PARD3B: variants seen among roughly 807,000 people sequenced by gnomAD.
PARD3B encodes the protein par-3 family cell polarity regulator beta.
Under a neutral mutation model 130.2 loss-of-function variants are expected in PARD3B, and 103 were observed. That is an observed-to-expected ratio of 0.79 (90% CI 0.67 to 0.93). PARD3B has a LOEUF of 0.93. Among genes scored for constraint, PARD3B ranks in the 40% least tolerant of loss-of-function variants. The pLI is 0.00. For synonymous variants in PARD3B, 583 were observed against 553.2 expected, an observed-to-expected ratio of 1.05 and a Z score of -0.76; for missense variants, 1,609 against 1,499.2, an observed-to-expected ratio of 1.07 and a Z score of -1.21.
At chr2:204,798,186 C>T (rs1487981012) in intron 2 of PARD3B, among the ~76,000 whole-genome samples, 1 of 152,178 alleles carries the variant, frequency 6.6e-6, no homozygotes, top group Non-Finnish European at 1.5e-5. Flanking sequence ...CACCACTACT[C>T]CCTCATCCCC....
At chr2:205,167,190 G>T (rs1290816569) in intron 11 of PARD3B, among the ~76,000 whole-genome samples, 2 of 152,094 alleles carry the variant, frequency 1.3e-5, no homozygotes, top group Non-Finnish European at 2.9e-5. Flanking sequence ...GGCAGAGGAA[G>T]TACCCAGGCA....
intron 18 of PARD3B, among the ~76,000 whole-genome samples, chr2:205,375,673 C>T (rs1228654164): frequency 3.3e-5 from 5 of 151,958 alleles, no homozygotes; most frequent in Non-Finnish European, 7.4e-5. Flanking sequence ...AGAGAGAGAA[C>T]GCACATGTTT....
chr2:205,172,985 A>G (rs951265865), intron 12 of PARD3B, among the ~76,000 whole-genome samples: 2 of 152,094 alleles, frequency 1.3e-5, no homozygotes, highest in Non-Finnish European at 2.9e-5. Flanking sequence ...TATTCCTAAC[A>G]TTATACATAT....
chr2:204,745,741 A>G (rs564310311), intron 2 of PARD3B, among the ~76,000 whole-genome samples: 15 of 152,046 alleles, frequency 9.9e-5, no homozygotes, highest in African/African-American at 2.7e-4. Flanking sequence ...GGTTGAGCCA[A>G]TCTAATAATC....
At chr2:205,576,004 G>A (rs1256820977) in intron 22 of PARD3B, among the ~76,000 whole-genome samples, 2 of 152,192 alleles carry the variant, frequency 1.3e-5, no homozygotes, top group African/African-American at 4.8e-5. Context: ...ATGAGTGAGA[G>A]TTCCTGTTGC....
At chr2:204,940,469 C>T (rs1688811956) in intron 2 of PARD3B, among the ~76,000 whole-genome samples, 1 of 145,128 alleles carries the variant, frequency 6.9e-6, no homozygotes, top group South Asian at 2.1e-4. Flanking sequence ...AATGAAGTAA[C>T]TTGAGAGTTT....
At chr2:205,024,535 T>A (rs1298864710) in intron 3 of PARD3B, among the ~76,000 whole-genome samples, 1 of 152,152 alleles carries the variant, frequency 6.6e-6, no homozygotes, top group East Asian at 1.9e-4. Context: ...ATGATAGGAT[T>A]TACTAGTTGT....
At chr2:205,448,915 C>A (rs916648028) in intron 20 of PARD3B, among the ~76,000 whole-genome samples, 6 of 152,040 alleles carry the variant, frequency 3.9e-5, no homozygotes, top group African/African-American at 1.4e-4. Context: ...GCCTGTAATC[C>A]CAGCACTTTG....
chr2:205,552,843 C>G (rs1421661683), intron 21 of PARD3B, among the ~76,000 whole-genome samples: 1 of 152,038 alleles, frequency 6.6e-6, no homozygotes, highest in Non-Finnish European at 1.5e-5. Flanking sequence ...TCTAAATAAA[C>G]TATAGACTTT....
At position 204,547,461 on chromosome 2, in the gene PARD3B, C is replaced by T. The variant is rs577325702; in HGVS notation, c.120+1342C>T. Among the ~76,000 whole-genome samples, 38 of 152,198 alleles carry T rather than the reference C, an allele frequency of 2.5e-4. 1 individual carries two copies. The highest frequency in any genetic ancestry group is 8.5e-4 in the Admixed American group (13 of 15,276). On this transcript the variant is annotated intron_variant, in intron 1 of 22. Transcript: ENST00000406610. The stretch of plus-strand genomic sequence containing the variant: ...GTTTATAAAGCTGTGTGAAAATCAA[C>T]TGCAATGTTATGTGTGTGTGTGCAC...
Position 204,545,885 on chromosome 2 carries a change from G to T in PARD3B, c.-115G>T. On this transcript the variant is annotated 5_prime_UTR_variant, in exon 1 of 23. Coordinates refer to ENST00000406610, the MANE Select transcript of PARD3B (RefSeq NM_001302769.2). The stretch of plus-strand genomic sequence containing the variant: ...TCCGGGCCTCAGGGTGTTCCGGGGA[G>T]CGGCGCCCCGGGTCTCTGGGCCCAC... The T allele has an allele frequency of 8.3e-7, 1 of 1,208,554 alleles. No individual in the cohort carries two copies. The highest frequency in any genetic ancestry group is 1.1e-6 in the Non-Finnish European group (1 of 915,236). The allele number at this position is 1,208,554 out of a possible 1,614,324, so 74.9% of individuals were successfully genotyped here. A position where few individuals can be genotyped will look rare whatever the true frequency, so the allele number is the denominator to read the frequency against.
At chr2:205,519,340 G>T (rs921352384) in intron 21 of PARD3B, among the ~76,000 whole-genome samples, 2 of 152,166 alleles carry the variant, frequency 1.3e-5, no homozygotes, top group Non-Finnish European at 2.9e-5. Flanking sequence ...CAAGCTCTGA[G>T]ATTCTTTCCT....
intron 4 of PARD3B, among the ~76,000 whole-genome samples, chr2:205,068,466 C>CT (rs1330438153): frequency 6.6e-6 from 1 of 152,058 alleles, no homozygotes; most frequent in African/African-American, 2.4e-5. Context: ...AAGGAAACAG[C>CT]TTTTGATTTA....
chr2:204,772,012 A>G (rs917149809), intron 2 of PARD3B, among the ~76,000 whole-genome samples: 1 of 152,056 alleles, frequency 6.6e-6, no homozygotes, highest in Non-Finnish European at 1.5e-5. Context: ...CCTTTTAACA[A>G]TATATGCTTA....
At position 205,143,509 on chromosome 2, in the gene PARD3B, T is replaced by C. The variant is rs2033134078; in HGVS notation, c.1435-15213T>C. Among the ~76,000 whole-genome samples, 4 of 152,176 alleles carry C rather than the reference T, an allele frequency of 2.6e-5. 1 individual carries two copies. In the South Asian group the frequency reaches 6.2e-4, roughly 24 times the overall value. ...ATTGATTGGAAGTGTGCTGAACTTT[T>C]AAACTTCTTGTAATTACACACTGAT... On this transcript the variant is annotated intron_variant, in intron 10 of 22. Coordinates refer to ENST00000406610, the MANE Select transcript of PARD3B (RefSeq NM_001302769.2).
chr2:204,998,410 A>T, intron 3 of PARD3B, among the ~76,000 whole-genome samples: 1 of 56,094 alleles, frequency 1.8e-5, no homozygotes, highest in Middle Eastern at 9.3e-3. Context: ...ATATGTGTAT[A>T]TATATGTATA....
chr2:204,824,489 T>C (rs2043491357), intron 2 of PARD3B, among the ~76,000 whole-genome samples: 1 of 152,142 alleles, frequency 6.6e-6, no homozygotes, highest in South Asian at 2.1e-4. Flanking sequence ...GTTGGCATAG[T>C]CCCTATATTA....
intron 2 of PARD3B, among the ~76,000 whole-genome samples, chr2:204,866,798 A>G (rs79619660): frequency 9.9e-5 from 15 of 152,036 alleles, no homozygotes; most frequent in Non-Finnish European, 1.0e-4. Flanking sequence ...ATAATGTATT[A>G]TAAAATATTG....
At chr2:205,111,411 T>G (rs1032361730) in intron 5 of PARD3B, among the ~76,000 whole-genome samples, 7 of 152,024 alleles carry the variant, frequency 4.6e-5, no homozygotes, top group Non-Finnish European at 8.8e-5. Flanking sequence ...CACAAATTTT[T>G]TAAGTATTCT....
Sources: allele counts gnomAD v4.1 joint callset (sites outside exome capture counted in the v4.1 genomes callset), GRCh38; gene constraint gnomAD v4.1.1; transcripts MANE v1.5; gene names NCBI Gene and HGNC (gene_info 2026-07-23, HGNC 2026-07-21).